PRSS23: variants seen among roughly 807,000 people sequenced by gnomAD.
PRSS23 encodes serine protease 23.
A neutral mutation model predicts 34.7 loss-of-function variants in PRSS23; 25 were observed. The ratio of observed to expected loss-of-function variants is 0.72; its 90% CI spans 0.53 to 1.01. The LOEUF (loss-of-function observed/expected upper bound fraction) is 1.01, where lower values mean the gene tolerates loss of function less well. Among genes scored for constraint, PRSS23 ranks in the 50% least tolerant of loss-of-function variants. The pLI, the probability that PRSS23 is intolerant of heterozygous loss-of-function variation, is 0.00. For missense variants in PRSS23, 445 were observed against 475.6 expected (o/e 0.94, Z 0.60); for synonymous variants, 176 against 186.6 (o/e 0.94, Z 0.46).
intron 2 of PRSS23, among the ~76,000 whole-genome samples, chr11:86,841,336 T>A (rs1948445948): frequency 6.5e-5 from 1 of 15,374 alleles, no homozygotes; most frequent in Non-Finnish European, 1.3e-4. Context: ...GGAAACTCCA[T>A]CTCAAAAAAA....
At chr11:86,910,723 G>T (rs577688564) in intron 2 of PRSS23, 18 of 152,204 alleles carry the variant, frequency 1.2e-4, no homozygotes, top group African/African-American at 4.3e-4. Context: ...TAATCATGGT[G>T]TATAGATGCA....
chr11:86,920,617 A>C (rs1949042097), intron 2 of PRSS23, among the ~76,000 whole-genome samples: 1 of 152,160 alleles, frequency 6.6e-6, no homozygotes, highest in Non-Finnish European at 1.5e-5. Flanking sequence ...CTCTTCAGGA[A>C]GAGAGAACAG....
chr11:86,890,684 T>G (rs181698801), intron 2 of PRSS23, among the ~76,000 whole-genome samples: 11 of 152,156 alleles, frequency 7.2e-5, no homozygotes, highest in African/African-American at 2.6e-4. Flanking sequence ...TAAATGAAGG[T>G]TGCCAGGTGG....
intron 2 of PRSS23, chr11:86,950,753 A>G: frequency 3.5e-6 from 1 of 284,010 alleles, no homozygotes; most frequent in Non-Finnish European, 6.8e-6. Flanking sequence ...AAGGGTTAAA[A>G]AAGTTAATAT....
chr11:86,854,117 C>G (rs1196032368), intron 2 of PRSS23, among the ~76,000 whole-genome samples: 1 of 152,226 alleles, frequency 6.6e-6, no homozygotes, highest in Non-Finnish European at 1.5e-5. Flanking sequence ...TCTCCTGCCT[C>G]AGCCTCCCAG....
At chr11:86,857,730 C>T (rs977558757) in intron 2 of PRSS23, 13 of 863,690 alleles carry the variant, frequency 1.5e-5, no homozygotes, top group African/African-American at 8.6e-5. Context: ...TCAGGCAGCC[C>T]GCATAAGAGA....
chr11:86,868,068 GA>G (rs5793218), intron 2 of PRSS23, among the ~76,000 whole-genome samples: 7 of 151,554 alleles, frequency 4.6e-5, no homozygotes, highest in African/African-American at 1.7e-4. Context: ...GGCCAAGGAG[GA>G]AAAAAAAGTG....
At chr11:86,839,121 A>G (rs368893116) in intron 2 of PRSS23, among the ~76,000 whole-genome samples, 2 of 152,092 alleles carry the variant, frequency 1.3e-5, no homozygotes, top group African/African-American at 4.8e-5. Context: ...CCAGCAAGGG[A>G]ACAAAACTGG....
At chr11:86,829,226 C>G (rs553827587) in intron 2 of PRSS23, among the ~76,000 whole-genome samples, 3 of 152,108 alleles carry the variant, frequency 2.0e-5, no homozygotes, top group Admixed American at 1.3e-4. Context: ...CTTCCCTTCT[C>G]GCTTCATTTC....
At chr11:86,835,853 C>T (rs1419489081) in intron 2 of PRSS23, among the ~76,000 whole-genome samples, 1 of 152,096 alleles carries the variant, frequency 6.6e-6, no homozygotes, top group East Asian at 1.9e-4. Flanking sequence ...TCTGAACGGG[C>T]AGCTAAAAGT....
chr11:86,853,665 G>C (rs528682355), intron 2 of PRSS23, among the ~76,000 whole-genome samples: 2 of 152,146 alleles, frequency 1.3e-5, no homozygotes, highest in African/African-American at 4.8e-5. Context: ...CATTTTTGCT[G>C]TTGTGAATAA....
chr11:86,939,578 T>C (rs1949193381), intron 2 of PRSS23, among the ~76,000 whole-genome samples: 2 of 151,194 alleles, frequency 1.3e-5, no homozygotes, highest in Non-Finnish European at 3.0e-5. Flanking sequence ...ATATACATCT[T>C]ACAGGAAATT....
intron 2 of PRSS23, among the ~76,000 whole-genome samples, chr11:86,830,421 A>G (rs59435481): frequency 0.015 from 2,331 of 152,144 alleles, 64 homozygotes; most frequent in African/African-American, 0.053. Flanking sequence ...AGAAAAGGGA[A>G]CTCCCTGACC....
At chr11:86,791,896 C>T (rs1467936654) in intron 1 of PRSS23, among the ~76,000 whole-genome samples, 1 of 152,184 alleles carries the variant, frequency 6.6e-6, no homozygotes, top group Non-Finnish European at 1.5e-5. Flanking sequence ...AGCTTTTATA[C>T]CAGTAGCTAT....
chr11:86,858,842 A>AAT (rs1469517124), intron 2 of PRSS23, among the ~76,000 whole-genome samples: 3 of 151,208 alleles, frequency 2.0e-5, no homozygotes, highest in Admixed American at 6.6e-5. Flanking sequence ...GGGAGAGGAT[A>AAT]ATATTACATT....
At chr11:86,818,783 C>A (rs1948232929) in intron 1 of PRSS23, among the ~76,000 whole-genome samples, 1 of 152,206 alleles carries the variant, frequency 6.6e-6, no homozygotes, top group Non-Finnish European at 1.5e-5. Flanking sequence ...CAGAGAGGGG[C>A]TTCCAAAGAC....
chr11:86,861,023 C>T (rs1265419789), intron 2 of PRSS23, among the ~76,000 whole-genome samples: 1 of 151,916 alleles, frequency 6.6e-6, no homozygotes, highest in Admixed American at 6.6e-5. Context: ...ATATTACTCC[C>T]AATATCGCAG....
chr11:86,894,488 C>G (rs1361946613), intron 2 of PRSS23, among the ~76,000 whole-genome samples: 3 of 152,122 alleles, frequency 2.0e-5, no homozygotes. Context: ...GCAATTTTTC[C>G]TGGCACTCTC....
intron 2 of PRSS23, among the ~76,000 whole-genome samples, chr11:86,882,184 C>T (rs1384930824): frequency 6.6e-6 from 1 of 152,122 alleles, no homozygotes; most frequent in African/African-American, 2.4e-5. Context: ...AAAGTGGAAG[C>T]TTAGGTTATT....
Sources: allele counts gnomAD v4.1 joint callset (sites outside exome capture counted in the v4.1 genomes callset), GRCh38; gene constraint gnomAD v4.1.1; transcripts MANE v1.5; gene names NCBI Gene and HGNC (gene_info 2026-07-23, HGNC 2026-07-21).